The following AGPAT3 variants were observed in gnomAD, a reference collection of about 807,000 sequenced individuals.
AGPAT3 encodes the protein 1-acyl-sn-glycerol-3-phosphate acyltransferase gamma.
Under a neutral mutation model 47.3 loss-of-function variants are expected in AGPAT3, and 5 were observed. The observed-to-expected ratio is 0.11, with a 90% CI of 0.06 to 0.22. The LOEUF (loss-of-function observed/expected upper bound fraction) is 0.22. AGPAT3 is among the 10% of genes least tolerant of loss of function. The pLI is 1.00. For synonymous variants in AGPAT3, 212 were observed against 208.3 expected (o/e 1.02, Z -0.15); for missense variants, 315 against 493.0 (o/e 0.64, Z 3.42).
Position 43,899,630 on chromosome 21 carries a change from C to T in AGPAT3, c.-111-4327C>T, listed in dbSNP as rs568524972. ...GGCTGGCCGCGGTGAGCAGCGGCAG[C>T]GCTGTGGTTCTGGCTCTTGCCTTCC... On this transcript the variant is annotated intron_variant, in intron 1 of 9. Coordinates refer to ENST00000291572, the MANE Select transcript of AGPAT3 (RefSeq NM_020132.5). Among the ~76,000 whole-genome samples the T allele has an allele frequency of 1.4e-4, 22 of 152,324 alleles. No homozygotes were observed. In the East Asian group the frequency reaches 1.7e-3, roughly 12 times the overall value.
intron 2 of AGPAT3, among the ~76,000 whole-genome samples, chr21:43,928,131 C>T (rs982259482): frequency 3.9e-5 from 6 of 152,206 alleles, no homozygotes; most frequent in Admixed American, 2.0e-4. Flanking sequence ...CTCGGCCCAC[C>T]GGAAGCTGTG....
chr21:43,926,147 C>T (rs1195397763), intron 2 of AGPAT3, among the ~76,000 whole-genome samples: 1 of 152,244 alleles, frequency 6.6e-6, no homozygotes, highest in Non-Finnish European at 1.5e-5. Context: ...CTGCGGCTTG[C>T]CTTCTCCCGC....
Position 43,933,075 on chromosome 21 carries a change from T to TA in AGPAT3, c.-48-26558dup, listed in dbSNP as rs2087310075. Among the ~76,000 whole-genome samples the TA allele has an allele frequency of 6.6e-6, 1 of 152,228 alleles. No homozygotes were observed. The highest frequency in any genetic ancestry group is 2.1e-4 in the South Asian group (1 of 4,826). ...TCTCTGCGTTCTCGTCAACACCTGTTACATTCGTCTTTTTGATAATAGCCA... is the reference window on the plus strand; with the variant it reads ...TCTCTGCGTTCTCGTCAACACCTGTTAACATTCGTCTTTTTGATAATAGCCA... On this transcript the variant is annotated intron_variant, in intron 2 of 9. Coordinates refer to ENST00000291572, the MANE Select transcript of AGPAT3 (RefSeq NM_020132.5). The surrounding 1 kb of genome is among the most constrained non-coding windows in gnomAD (Gnocchi z 6.0).
chr21:43,889,208 A>C (rs10154235), intron 1 of AGPAT3, among the ~76,000 whole-genome samples: 16,880 of 151,668 alleles, frequency 0.11, 1,856 homozygotes, highest in African/African-American at 0.29. Flanking sequence ...TGAGGTGATG[A>C]AGGCATGTTG....
Position 43,922,913 on chromosome 21 carries a change from G to A in AGPAT3, c.-49+18894G>A, listed in dbSNP as rs538434900. Among the ~76,000 whole-genome samples the A allele has an allele frequency of 2.2e-4, 34 of 152,358 alleles. No individual in the cohort carries two copies. In the East Asian group the frequency reaches 5.4e-3, roughly 24 times the overall value. ...CCAGCCTGGGGTCTGGGCATGGGGC[G>A]CCTGTCCCCAGCGGGGCGGGCTCTG... On this transcript the variant is annotated intron_variant, in intron 2 of 9. Transcript: ENST00000291572. The surrounding 1 kb of genome is among the most constrained non-coding windows in gnomAD (Gnocchi z 4.9).
chr21:43,929,111 C>T (rs2087153206), intron 2 of AGPAT3, among the ~76,000 whole-genome samples: 1 of 152,188 alleles, frequency 6.6e-6, no homozygotes, highest in Non-Finnish European at 1.5e-5. Context: ...GATAGCCAGT[C>T]CCCTGTGACC....
At position 43,934,039 on chromosome 21, in the gene AGPAT3, C is replaced by G. The variant is rs2087349334; in HGVS notation, c.-48-25595C>G. On this transcript the variant is annotated intron_variant, in intron 2 of 9. Transcript: ENST00000291572. The surrounding 1 kb of genome is among the most constrained non-coding windows in gnomAD (Gnocchi z 4.7). ...CATGGCCAGCTGCCGAATGCCGTAC[C>G]AGGGCAGGGGCAGTGGAGCAGGTGT... Among the ~76,000 whole-genome samples, 1 of 152,242 alleles carries G rather than the reference C, an allele frequency of 6.6e-6. No homozygotes were observed. The highest frequency in any genetic ancestry group is 2.1e-4 in the South Asian group (1 of 4,836).
intron 2 of AGPAT3, among the ~76,000 whole-genome samples, chr21:43,942,383 C>T (rs1005542647): frequency 2.6e-5 from 4 of 152,204 alleles, no homozygotes; most frequent in Non-Finnish European, 4.4e-5. Flanking sequence ...CACCAGGAGC[C>T]TGGGAGTCTG....
At chr21:43,956,788 T>C (rs1405936488) in intron 2 of AGPAT3, among the ~76,000 whole-genome samples, 1 of 152,194 alleles carries the variant, frequency 6.6e-6, no homozygotes, top group Non-Finnish European at 1.5e-5. Flanking sequence ...GGTCAGCCCC[T>C]TCCGCGCAGG....
At chr21:43,901,389 GC>G (rs1156588190) in intron 1 of AGPAT3, among the ~76,000 whole-genome samples, 2 of 151,590 alleles carry the variant, frequency 1.3e-5, no homozygotes, top group Non-Finnish European at 2.9e-5. Flanking sequence ...AGATGATAGA[GC>G]TAGCAGGCAA....
At position 43,981,042 on chromosome 21, in the gene AGPAT3, T is replaced by C. The variant is rs148687736; in HGVS notation, c.897T>C (p.Phe299=). Residue 299 remains phenylalanine (F), a synonymous_variant, in exon 9 of 10, where the codon TTT becomes TTC. Transcript: ENST00000291572. The surrounding 1 kb of genome is among the most constrained non-coding windows in gnomAD (Gnocchi z 5.3). ...AGGGCATGTTTCCAGGGGAGCAGTT[T>C]AAGCCTGCCCGGAGGCCGTGGACCC... ...NQKGMFPGEQ[F]KPARRPWTLL... 5 of 1,614,104 alleles carry C rather than the reference T, an allele frequency of 3.1e-6. No homozygotes were observed. The African/African-American group carries it at 6.7e-5, about 22-fold the overall frequency.
chr21:43,887,908 C>T (rs2086016279), intron 1 of AGPAT3, among the ~76,000 whole-genome samples: 1 of 152,274 alleles, frequency 6.6e-6, no homozygotes, highest in Admixed American at 6.5e-5. Context: ...CTGCCTCAGC[C>T]TCCCACAGTG....
Position 43,933,176 on chromosome 21 carries a change from C to G in AGPAT3, c.-48-26458C>G, listed in dbSNP as rs1465035739. On this transcript the variant is annotated intron_variant, in intron 2 of 9. Coordinates refer to ENST00000291572, the MANE Select transcript of AGPAT3 (RefSeq NM_020132.5). The surrounding 1 kb of genome is among the most constrained non-coding windows in gnomAD (Gnocchi z 6.0). Reference sequence around the variant, plus strand: ...TGATGGTTAATAATGCCGAACAGCTCTTCGTTAACCTGCTGGCTGTCGGTG... The same window carrying G: ...TGATGGTTAATAATGCCGAACAGCTGTTCGTTAACCTGCTGGCTGTCGGTG... Among the ~76,000 whole-genome samples the G allele has an allele frequency of 2.0e-5, 3 of 152,218 alleles. No individual in the cohort carries two copies. Among genetic ancestry groups the G allele is most frequent in the Non-Finnish European group, 4.4e-5 (3 of 68,038 alleles).
chr21:43,937,403 G>A (rs984189526), intron 2 of AGPAT3, among the ~76,000 whole-genome samples: 13 of 152,194 alleles, frequency 8.5e-5, no homozygotes, highest in East Asian at 1.9e-4. Context: ...TGGCGGAGGC[G>A]CGCAAGGCCC....
intron 2 of AGPAT3, among the ~76,000 whole-genome samples, chr21:43,924,163 G>A (rs530209969): frequency 4.7e-5 from 7 of 150,476 alleles, no homozygotes; most frequent in African/African-American, 1.7e-4. Flanking sequence ...ACAGGTGCCC[G>A]CCAGCACGCC....
At chr21:43,909,960 T>A (rs2086593852) in intron 2 of AGPAT3, among the ~76,000 whole-genome samples, 1 of 151,968 alleles carries the variant, frequency 6.6e-6, no homozygotes, top group African/African-American at 2.4e-5. Context: ...TGCACCAGGG[T>A]GCCCCAGGAC....
Position 43,922,766 on chromosome 21 carries a change from G to C in AGPAT3, c.-49+18747G>C, listed in dbSNP as rs1157603052. On this transcript the variant is annotated intron_variant, in intron 2 of 9. Coordinates refer to ENST00000291572, the MANE Select transcript of AGPAT3 (RefSeq NM_020132.5). This position sits in a 1 kb window ranked among gnomAD's most constrained non-coding sequence, Gnocchi z 4.9. The stretch of plus-strand genomic sequence containing the variant: ...CGTCAGTGTAGGGTCTCCCAGCACA[G>C]GGGCTGTGGCTCAGGAGCCACGTGC... Among the ~76,000 whole-genome samples the C allele has an allele frequency of 6.6e-6, 1 of 151,942 alleles. No homozygotes were observed. Among genetic ancestry groups the C allele is most frequent in the Non-Finnish European group, 1.5e-5 (1 of 68,006 alleles).
At position 43,896,796 on chromosome 21, in the gene AGPAT3, G is replaced by A. The variant is rs111282725; in HGVS notation, c.-111-7161G>A. ...GACTTTGTCTGGAATTAATATAGCG[G>A]CACCAGCTGCCTTTTGTTTACTGTT... is the stretch of plus-strand genomic sequence containing the variant. On this transcript the variant is annotated intron_variant, in intron 1 of 9. Transcript: ENST00000291572. 5.8e-3 allele frequency among the ~76,000 whole-genome samples: 883 copies of A among 152,214 alleles called. 4 individuals are homozygous for A. The highest frequency in any genetic ancestry group is 0.014 in the Middle Eastern group (4 of 292).
intron 2 of AGPAT3, among the ~76,000 whole-genome samples, chr21:43,958,558 G>A (rs542664237): frequency 6.6e-6 from 1 of 151,364 alleles, no homozygotes; most frequent in South Asian, 2.1e-4. Context: ...TGGTGTGTGT[G>A]GTGCGTGTGG....
Sources: allele counts gnomAD v4.1 joint callset (sites outside exome capture counted in the v4.1 genomes callset), GRCh38; gene constraint gnomAD v4.1.1; non-coding constraint Gnocchi (gnomAD v3.1); transcripts MANE v1.5; gene names NCBI Gene and HGNC (gene_info 2026-07-23, HGNC 2026-07-21).